BTC: variants seen among roughly 807,000 people sequenced by gnomAD.
The protein encoded by BTC is betacellulin, also known as probetacellulin.
A neutral mutation model predicts 18.1 loss-of-function variants in BTC; 13 were observed. That is an observed-to-expected ratio of 0.72 (90% confidence interval 0.47 to 1.14). The LOEUF is 1.14. Ranked by LOEUF, BTC falls within the 50% of genes most tolerant of loss-of-function variation. The pLI is 0.00. For synonymous variants in BTC, 83 were observed against 79.4 expected (o/e 1.05, Z -0.24); for missense variants, 247 against 224.2 (o/e 1.10, Z -0.65).
At chr4:74,770,191 A>C in intron 1 of BTC, 35 bp from the exon 2 acceptor site, 2 of 1,536,824 alleles carry the variant, frequency 1.3e-6, no homozygotes, top group Non-Finnish European at 8.9e-7. Context: ...ATCAAACATG[A>C]AAATTTGCTT....
chr4:74,766,015 T>C (rs1359347815), intron 2 of BTC, among the ~76,000 whole-genome samples: 1 of 152,142 alleles, frequency 6.6e-6, no homozygotes, highest in African/African-American at 2.4e-5. Context: ...CTGTACTGAA[T>C]ACTGTAAGCA....
chr4:74,761,140 A>C (rs1553957292), intron 2 of BTC, among the ~76,000 whole-genome samples: 3 of 151,882 alleles, frequency 2.0e-5, no homozygotes, highest in African/African-American at 7.2e-5. Flanking sequence ...GGAGGAAAAA[A>C]AAAAGAATCA....
intron 1 of BTC, among the ~76,000 whole-genome samples, chr4:74,786,191 A>G (rs76495328): frequency 6.6e-6 from 1 of 152,324 alleles, no homozygotes; most frequent in Non-Finnish European, 1.5e-5. Context: ...GTGATCGTGA[A>G]CAAGTCAAGT....
At chr4:74,782,916 C>G (rs1230342303) in intron 1 of BTC, among the ~76,000 whole-genome samples, 2 of 152,104 alleles carry the variant, frequency 1.3e-5, no homozygotes, top group African/African-American at 4.8e-5. Context: ...AGTGCCTGTT[C>G]GTGTCCTTTG....
At chr4:74,771,544 T>C (rs1029796589) in intron 1 of BTC, among the ~76,000 whole-genome samples, 8 of 152,202 alleles carry the variant, frequency 5.3e-5, no homozygotes, top group African/African-American at 1.9e-4. Flanking sequence ...GTGCTACTAC[T>C]GTACCAGAAA....
intron 2 of BTC, among the ~76,000 whole-genome samples, chr4:74,756,875 C>T (rs960958737): frequency 3.3e-5 from 5 of 152,190 alleles, no homozygotes; most frequent in African/African-American, 1.2e-4. Context: ...AATATGTAGC[C>T]ATTTCCCCAT....
intron 3 of BTC, among the ~76,000 whole-genome samples, 180 bp downstream of exon 3, chr4:74,755,679 G>A (rs548915569): frequency 6.6e-6 from 1 of 152,210 alleles, no homozygotes; most frequent in African/African-American, 2.4e-5. Flanking sequence ...AGGAAAGTGT[G>A]CGTCAGTTTC....
intron 1 of BTC, among the ~76,000 whole-genome samples, chr4:74,791,311 G>A (rs1404974365): frequency 6.6e-6 from 1 of 152,010 alleles, no homozygotes; most frequent in Non-Finnish European, 1.5e-5. Context: ...CACTGTAACT[G>A]AGCCTGAGCG....
At chr4:74,747,370 C>T (rs1361556053) in intron 5 of BTC, among the ~76,000 whole-genome samples, 2 of 152,096 alleles carry the variant, frequency 1.3e-5, no homozygotes, top group African/African-American at 2.4e-5. Context: ...TACTTCTTCC[C>T]CTATTTCCTC....
chr4:74,778,929 G>A (rs778219238), intron 1 of BTC, among the ~76,000 whole-genome samples: 25 of 152,134 alleles, frequency 1.6e-4, no homozygotes, highest in Non-Finnish European at 3.2e-4. Flanking sequence ...TTCCAGGACA[G>A]AGGAATTTTC....
At chr4:74,750,451 A>G in intron 4 of BTC, 122 bp downstream of exon 4, 1 of 1,048,344 alleles carries the variant, frequency 9.5e-7, no homozygotes, top group Non-Finnish European at 1.4e-6. Context: ...CAAAGCTCAA[A>G]AAGTAAATTT....
At position 74,758,841 on chromosome 4, in the gene BTC, T is replaced by G. The variant is rs565429573; in HGVS notation, c.164-2865A>C. On this transcript the variant is annotated intron_variant, in intron 2 of 5. Coordinates refer to ENST00000395743, the MANE Select transcript of BTC (RefSeq NM_001729.4). Reference sequence around the variant, plus strand: ...AATATTCCCAGCATTATTTAGATTTTAAAACATTTCCATGCCACCAGGCAG... The same window carrying G: ...AATATTCCCAGCATTATTTAGATTTGAAAACATTTCCATGCCACCAGGCAG... Among the ~76,000 whole-genome samples the G allele has an allele frequency of 7.2e-5, 11 of 152,306 alleles. No homozygotes were observed. In the South Asian group the frequency reaches 2.3e-3, roughly 32 times the overall value.
chr4:74,778,481 A>G (rs542384964), intron 1 of BTC, among the ~76,000 whole-genome samples: 1 of 152,136 alleles, frequency 6.6e-6, no homozygotes, highest in Non-Finnish European at 1.5e-5. Context: ...AAATGTGTGC[A>G]CCTATCATGC....
At chr4:74,775,203 C>G (rs147127625) in intron 1 of BTC, among the ~76,000 whole-genome samples, 208 of 152,112 alleles carry the variant, frequency 1.4e-3, no homozygotes, top group Admixed American at 4.5e-3. Flanking sequence ...GCTGCAGGTT[C>G]TATTTTGGGG....
intron 1 of BTC, among the ~76,000 whole-genome samples, chr4:74,780,506 G>A (rs1320745368): frequency 6.6e-6 from 1 of 152,144 alleles, no homozygotes; most frequent in African/African-American, 2.4e-5. Context: ...AAAATGAGCA[G>A]GGATTTTCCT....
intron 1 of BTC, among the ~76,000 whole-genome samples, chr4:74,788,635 A>G (rs1725543824): frequency 1.3e-5 from 2 of 152,190 alleles, no homozygotes. Flanking sequence ...CATGGTAAAA[A>G]TTTTTAGGTC....
intron 1 of BTC, among the ~76,000 whole-genome samples, chr4:74,774,262 CT>C (rs1485121732): frequency 6.6e-6 from 1 of 152,132 alleles, no homozygotes; most frequent in Non-Finnish European, 1.5e-5. Context: ...CTGGTTGTGA[CT>C]AATCAGTGTG....
intron 4 of BTC, among the ~76,000 whole-genome samples, chr4:74,750,012 C>T (rs1724417194): frequency 6.6e-6 from 1 of 151,542 alleles, no homozygotes; most frequent in South Asian, 2.1e-4. Context: ...ATGAGGATCG[C>T]TTAAGGCCAG....
chr4:74,755,916 T>G lies in BTC; in HGVS notation c.224A>C (p.His75Pro). The change falls in exon 3 of 6, where the codon CAT becomes CCT. Residue 75 changes from histidine (H) to proline (P), a missense_variant. Coordinates refer to ENST00000395743, the MANE Select transcript of BTC (RefSeq NM_001729.4). ...HFSRCPKQYK[H>P]YCIKGRCRFV... The stretch of plus-strand genomic sequence containing the variant: ...GCGGCATCTCCCTTTGATGCAGTAA[T>G]GCTTGTATTGCTTGGGGCACCTAGA... 1 of 1,614,182 alleles carries G rather than the reference T, an allele frequency of 6.2e-7. No individual in the cohort carries two copies. Among genetic ancestry groups the G allele is most frequent in the Non-Finnish European group, 8.5e-7 (1 of 1,180,020 alleles).
Sources: allele counts gnomAD v4.1 joint callset (sites outside exome capture counted in the v4.1 genomes callset), GRCh38; gene constraint gnomAD v4.1.1; transcripts MANE v1.5; gene names NCBI Gene and HGNC (gene_info 2026-07-23, HGNC 2026-07-21).